Variants in PCDH15 observed in about 807,000 individuals in gnomAD.
PCDH15 encodes the protein protocadherin-15.
PCDH15 carries 129 observed loss-of-function variants against 178.5 expected under a neutral mutation model. The observed-to-expected ratio is 0.72, with a 90% CI of 0.63 to 0.84. The LOEUF (loss-of-function observed/expected upper bound fraction) is 0.84. Among genes scored for constraint, PCDH15 ranks in the 40% least tolerant of loss-of-function variants. The pLI is 0.00. For missense variants in PCDH15, 2,230 were observed against 2,099.9 expected (o/e 1.06, Z -1.21); for synonymous variants, 800 against 732.0 (o/e 1.09, Z -1.50).
intron 3 of PCDH15, among the ~76,000 whole-genome samples, chr10:54,830,693 C>A (rs1249337856): frequency 6.6e-6 from 1 of 151,338 alleles, no homozygotes; most frequent in African/African-American, 2.4e-5. Flanking sequence ...ATGTAACAAA[C>A]CTGCACATTA....
intron 21 of PCDH15, among the ~76,000 whole-genome samples, chr10:53,975,286 T>C (rs2090093863): frequency 6.6e-6 from 1 of 152,314 alleles, no homozygotes; most frequent in East Asian, 1.9e-4. Context: ...TATTTTTCTT[T>C]GGTTATATAC....
At chr10:55,336,331 C>G (rs1025949678) in intron 2 of PCDH15, among the ~76,000 whole-genome samples, 1 of 151,722 alleles carries the variant, frequency 6.6e-6, no homozygotes, top group Non-Finnish European at 1.5e-5. Flanking sequence ...AACCCCCTCT[C>G]TACTAAAAAT....
intron 2 of PCDH15, among the ~76,000 whole-genome samples, chr10:55,487,344 G>T (rs1190018544): frequency 6.6e-6 from 1 of 151,556 alleles, no homozygotes; most frequent in Non-Finnish European, 1.5e-5. Context: ...GTCATCATCA[G>T]ATTCTTTCAA....
intron 1 of PCDH15, among the ~76,000 whole-genome samples, chr10:54,700,558 A>ATATT (rs2095296281): frequency 6.6e-6 from 1 of 152,154 alleles, no homozygotes; most frequent in African/African-American, 2.4e-5. Flanking sequence ...TCACTTCAAT[A>ATATT]ATTTCAAAAT....
At chr10:55,130,970 TG>T (rs1227502167) in intron 2 of PCDH15, among the ~76,000 whole-genome samples, 1 of 152,054 alleles carries the variant, frequency 6.6e-6, no homozygotes, top group Non-Finnish European at 1.5e-5. Flanking sequence ...AAATTTATAT[TG>T]ATTCTATTTC....
intron 1 of PCDH15, among the ~76,000 whole-genome samples, chr10:54,675,374 C>T (rs1467997809): frequency 2.6e-5 from 4 of 151,550 alleles, no homozygotes; most frequent in Non-Finnish European, 5.9e-5. Context: ...AAAATATTTA[C>T]TTCCCAACAC....
chr10:55,511,035 T>TGTTTG (rs1554879353), intron 2 of PCDH15, among the ~76,000 whole-genome samples: 4 of 141,118 alleles, frequency 2.8e-5, no homozygotes, highest in African/African-American at 1.2e-4. Context: ...AATTTGTTTT[T>TGTTTG]TTTGTTTGTT....
intron 10 of PCDH15, among the ~76,000 whole-genome samples, chr10:54,200,222 G>T (rs1372149281): frequency 7.1e-6 from 1 of 141,554 alleles, no homozygotes; most frequent in East Asian, 2.1e-4. Context: ...ATAGAAGAAA[G>T]AAATCATGTT....
At chr10:54,092,315 T>A (rs2094612296) in intron 15 of PCDH15, among the ~76,000 whole-genome samples, 1 of 152,152 alleles carries the variant, frequency 6.6e-6, no homozygotes, top group African/African-American at 2.4e-5. Context: ...ACTATTTTAC[T>A]AACGTGTTGC....
chr10:53,857,123 TA>T (rs1244792257), intron 28 of PCDH15, 51 bp downstream of exon 28: 1 of 1,292,834 alleles, frequency 7.7e-7, no homozygotes, highest in Non-Finnish European at 1.1e-6. Flanking sequence ...AAAATACAGT[TA>T]AAAATCATGG....
intron 1 of PCDH15, among the ~76,000 whole-genome samples, chr10:54,788,619 G>C (rs1822574357): frequency 6.6e-6 from 1 of 151,836 alleles, no homozygotes; most frequent in Non-Finnish European, 1.5e-5. Context: ...TCTGTCTTCA[G>C]TAATAAGATT....
chr10:55,059,481 T>C (rs932150044), intron 2 of PCDH15, among the ~76,000 whole-genome samples: 1 of 152,154 alleles, frequency 6.6e-6, no homozygotes, highest in African/African-American at 2.4e-5. Flanking sequence ...AGTTGCCTAC[T>C]TAGCATCAAT....
intron 2 of PCDH15, among the ~76,000 whole-genome samples, chr10:55,405,218 A>C (rs1298823607): frequency 1.3e-5 from 2 of 149,732 alleles, no homozygotes; most frequent in African/African-American, 4.9e-5. Flanking sequence ...GAATATAAAT[A>C]TATCTATGCA....
At chr10:54,837,500 A>G (rs1248203843) in intron 3 of PCDH15, among the ~76,000 whole-genome samples, 1 of 152,206 alleles carries the variant, frequency 6.6e-6, no homozygotes, top group Non-Finnish European at 1.5e-5. Flanking sequence ...TATGATCACA[A>G]AATTGAACTT....
At chr10:54,474,735 C>A (rs1346974688) in intron 3 of PCDH15, among the ~76,000 whole-genome samples, 1 of 151,888 alleles carries the variant, frequency 6.6e-6, no homozygotes, top group Non-Finnish European at 1.5e-5. Flanking sequence ...TCTGAAGCTA[C>A]AAATGTCACA....
At chr10:54,156,642 C>T (rs1458001348) in intron 13 of PCDH15, among the ~76,000 whole-genome samples, 1 of 152,190 alleles carries the variant, frequency 6.6e-6, no homozygotes, top group Admixed American at 6.5e-5. Flanking sequence ...ACCCTGGCCC[C>T]TCCCAAATCT....
intron 2 of PCDH15, among the ~76,000 whole-genome samples, chr10:54,611,108 A>C (rs1474228421): frequency 1.3e-5 from 2 of 151,820 alleles, no homozygotes; most frequent in Non-Finnish European, 2.9e-5. Flanking sequence ...AAATAAACAC[A>C]GTTTAGCATT....
chr10:54,876,770 T>C (rs1471821129), intron 3 of PCDH15, among the ~76,000 whole-genome samples: 4 of 152,158 alleles, frequency 2.6e-5, no homozygotes, highest in African/African-American at 9.7e-5. Flanking sequence ...AAGAAAGTAG[T>C]TTCCTGAGAT....
At chr10:53,961,922 C>T in intron 21 of PCDH15, 30 bp from the exon 22 acceptor site, 1 of 1,566,042 alleles carries the variant, frequency 6.4e-7, no homozygotes, top group Non-Finnish European at 8.8e-7. Context: ...TATTAATTTG[C>T]TGTTACCAAG....
Sources: allele counts gnomAD v4.1 joint callset (sites outside exome capture counted in the v4.1 genomes callset), GRCh38; gene constraint gnomAD v4.1.1; transcripts MANE v1.5; gene names NCBI Gene and HGNC (gene_info 2026-07-23, HGNC 2026-07-21).